Variants in SEPTIN9 observed in about 807,000 individuals in gnomAD.
The protein encoded by SEPTIN9 is septin-9.
Under a neutral mutation model 56.6 loss-of-function variants are expected in SEPTIN9, and 13 were observed. The observed-to-expected ratio is 0.23, with a 90% confidence interval of 0.15 to 0.37. SEPTIN9 has a LOEUF of 0.37. Ranked by LOEUF, SEPTIN9 falls within the 10% of genes least tolerant of loss-of-function variation. SEPTIN9 has a pLI of 1.00. For missense variants in SEPTIN9, 650 were observed against 823.1 expected, an observed-to-expected ratio of 0.79 and a Z score of 2.57; for synonymous variants, 332 against 334.1, an observed-to-expected ratio of 0.99 and a Z score of 0.07.
chr17:77,379,259 G>T (rs1009672999), intron 2 of SEPTIN9, among the ~76,000 whole-genome samples: 2 of 151,962 alleles, frequency 1.3e-5, no homozygotes, highest in African/African-American at 2.4e-5. Flanking sequence ...GTGGAGGGGG[G>T]ACTGGGTGCC....
intron 2 of SEPTIN9, chr17:77,376,443 C>T (rs2034923052): frequency 4.1e-6 from 4 of 973,078 alleles, no homozygotes; most frequent in Non-Finnish European, 4.9e-6. Context: ...CCTTACAGCG[C>T]TGGGATGGTG....
rs574288854 is a variant in SEPTIN9, at chr17:77,429,175, C to T, written c.721+26472C>T. The stretch of plus-strand genomic sequence containing the variant: ...GTGTCTGCAGCTCCTGAGGCCAAGA[C>T]CAAGGCTGAGGCCGAGGCTGAGGCT... On this transcript the variant is annotated intron_variant, in intron 3 of 11. Coordinates refer to ENST00000427177, the MANE Select transcript of SEPTIN9 (RefSeq NM_001113491.2). The surrounding 1 kb of genome is among the most constrained non-coding windows in gnomAD (Gnocchi z 5.2). 359 of 472,134 alleles carry T rather than the reference C, an allele frequency of 7.6e-4. 7 individuals are homozygous for T. Among genetic ancestry groups the T allele is most frequent in the Admixed American group, 1.6e-3 (70 of 42,626 alleles). The allele number at this position is 472,134 out of a possible 1,614,324, so 29.2% of individuals were successfully genotyped here.
Position 77,451,331 on chromosome 17 carries a change from C to T in SEPTIN9, c.722-30813C>T, listed in dbSNP as rs868126507. ...TCCTCCTGCTCCCCTCGCCCTGCCC[C>T]CTTGGAGCAATTCCCCACCGAGCCT... On this transcript the variant is annotated intron_variant, in intron 3 of 11. Coordinates refer to ENST00000427177, the MANE Select transcript of SEPTIN9 (RefSeq NM_001113491.2). The surrounding 1 kb of genome is among the most constrained non-coding windows in gnomAD (Gnocchi z 4.2). 6.9e-5 allele frequency: 68 copies of T among 984,518 alleles called. No individual in the cohort carries two copies. The Middle Eastern group carries it at 1.5e-3, about 22-fold the overall frequency. The allele number at this position is 984,518 out of a possible 1,614,324, so 61.0% of individuals were successfully genotyped here.
At chr17:77,391,187 A>G (rs2035528120) in intron 2 of SEPTIN9, among the ~76,000 whole-genome samples, 1 of 152,180 alleles carries the variant, frequency 6.6e-6, no homozygotes. Flanking sequence ...AGTGGCTAGA[A>G]GGGGCTTCAG....
intron 2 of SEPTIN9, among the ~76,000 whole-genome samples, chr17:77,347,687 T>G (rs984468477): frequency 6.6e-6 from 1 of 151,986 alleles, no homozygotes; most frequent in Non-Finnish European, 1.5e-5. Flanking sequence ...TGGTTTGACT[T>G]ACAGTTTTTC....
chr17:77,293,528 G>A (rs570826708), intron 1 of SEPTIN9, among the ~76,000 whole-genome samples: 4 of 152,316 alleles, frequency 2.6e-5, no homozygotes, highest in African/African-American at 9.6e-5. Context: ...TGGGAGAGGT[G>A]AAGGCCAGAC....
chr17:77,362,381 G>C (rs573169009), intron 2 of SEPTIN9, among the ~76,000 whole-genome samples: 3 of 152,374 alleles, frequency 2.0e-5, no homozygotes, highest in African/African-American at 7.2e-5. Flanking sequence ...TCTCTGTGCT[G>C]GAGAACAGCT....
intron 3 of SEPTIN9, among the ~76,000 whole-genome samples, chr17:77,415,855 A>G (rs1425743076): frequency 1.3e-5 from 2 of 152,200 alleles, no homozygotes; most frequent in Admixed American, 6.5e-5. Flanking sequence ...GGTGGCTGCG[A>G]GGAGCGTGGG....
intron 3 of SEPTIN9, among the ~76,000 whole-genome samples, chr17:77,478,036 G>A (rs910838142): frequency 2.0e-5 from 3 of 151,846 alleles, no homozygotes; most frequent in Admixed American, 2.0e-4. Flanking sequence ...GGTGTTAACC[G>A]CATATCATAC....
intron 3 of SEPTIN9, among the ~76,000 whole-genome samples, chr17:77,438,229 C>T (rs1190217534): frequency 6.6e-6 from 1 of 152,256 alleles, no homozygotes; most frequent in African/African-American, 2.4e-5. Context: ...TCACTCTGCG[C>T]TGACAGCCAA....
chr17:77,423,628 G>A (rs1264274305), intron 3 of SEPTIN9, among the ~76,000 whole-genome samples: 2 of 152,238 alleles, frequency 1.3e-5, no homozygotes, highest in Non-Finnish European at 2.9e-5. Flanking sequence ...CGATCTCAGC[G>A]CCTCCCCTTC....
chr17:77,320,071 T>C, intron 2 of SEPTIN9: 1 of 1,417,976 alleles, frequency 7.1e-7, no homozygotes, highest in Non-Finnish European at 9.2e-7. Context: ...TTTGCTCCCT[T>C]TTTCCTCCCG....
intron 2 of SEPTIN9, among the ~76,000 whole-genome samples, chr17:77,372,176 C>G (rs1401611941): frequency 6.6e-6 from 1 of 152,190 alleles, no homozygotes; most frequent in Non-Finnish European, 1.5e-5. Context: ...TGGCCCCTGA[C>G]TCTGGGCAGA....
intron 2 of SEPTIN9, among the ~76,000 whole-genome samples, chr17:77,321,445 G>A (rs1205844682): frequency 1.3e-5 from 2 of 151,336 alleles, no homozygotes; most frequent in Admixed American, 1.3e-4. Flanking sequence ...TGTTGCCCAG[G>A]CTGGAGTGCA....
intron 3 of SEPTIN9, among the ~76,000 whole-genome samples, chr17:77,409,682 G>A (rs1001255954): frequency 6.6e-6 from 1 of 152,186 alleles, no homozygotes; most frequent in Non-Finnish European, 1.5e-5. Flanking sequence ...GCAGCTGCCA[G>A]AAGAGAGAGG....
At chr17:77,404,144 T>C (rs1031583254) in intron 3 of SEPTIN9, among the ~76,000 whole-genome samples, 1 of 152,208 alleles carries the variant, frequency 6.6e-6, no homozygotes, top group Non-Finnish European at 1.5e-5. Flanking sequence ...CTGAATAATA[T>C]TCTGTTGTGC....
rs367645529 is a variant in SEPTIN9, at chr17:77,332,964, G to A, written c.76+25767G>A. 7.6e-4 allele frequency among the ~76,000 whole-genome samples: 116 copies of A among 152,296 alleles called. 3 individuals carry two copies. In the South Asian group the frequency reaches 0.014, roughly 18 times the overall value. On this transcript the variant is annotated intron_variant, in intron 2 of 11. Coordinates refer to ENST00000427177, the MANE Select transcript of SEPTIN9 (RefSeq NM_001113491.2). ...TACAAGTTTTTCTGTGCATATGGGC[G>A]TTCATTTATTCTGTAGAAACACCTA...
intron 2 of SEPTIN9, among the ~76,000 whole-genome samples, chr17:77,316,470 T>C (rs1451603735): frequency 6.6e-6 from 1 of 152,230 alleles, no homozygotes; most frequent in Non-Finnish European, 1.5e-5. Context: ...GTCAAGGCTG[T>C]GCTCAGCAAG....
intron 3 of SEPTIN9, among the ~76,000 whole-genome samples, chr17:77,481,626 C>CATGGGGATGTGGGAGG (rs1568107216): frequency 6.6e-6 from 1 of 152,210 alleles, no homozygotes; most frequent in Non-Finnish European, 1.5e-5. Flanking sequence ...CAAGACCATC[C>CATGGGGATGTGGGAGG]CTCCTGTGTC....
Sources: allele counts gnomAD v4.1 joint callset (sites outside exome capture counted in the v4.1 genomes callset), GRCh38; gene constraint gnomAD v4.1.1; non-coding constraint Gnocchi (gnomAD v3.1); transcripts MANE v1.5; gene names NCBI Gene and HGNC (gene_info 2026-07-23, HGNC 2026-07-21).